Variants in KLHL13 observed in about 807,000 individuals in gnomAD.
KLHL13 encodes kelch like family member 13.
KLHL13 carries 10 observed loss-of-function variants against 37.1 expected under a neutral mutation model. The observed-to-expected ratio is 0.27, with a 90% CI of 0.17 to 0.46. The LOEUF (loss-of-function observed/expected upper bound fraction) is 0.46. KLHL13 is among the 20% of genes least tolerant of loss of function. The pLI, the probability that KLHL13 is intolerant of heterozygous loss-of-function variation, is 1.00. For missense variants in KLHL13, 360 were observed against 509.3 expected, an observed-to-expected ratio of 0.71 and a Z score of 2.82; for synonymous variants, 163 against 181.2, an observed-to-expected ratio of 0.90 and a Z score of 0.81.
At chrX:117,899,154 T>A in exon 7 of KLHL13, 1 of 1,211,742 alleles carries the variant, frequency 8.3e-7, no homozygotes, top group Non-Finnish European at 1.1e-6. Context: ...TCTGCCCTCT[T>A]AACATGGCAG....
chrX:117,991,188 T>G (rs1569435000), intron 1 of KLHL13, among the ~76,000 whole-genome samples: 1 of 108,264 alleles, frequency 9.2e-6, no homozygotes, highest in East Asian at 2.8e-4. Flanking sequence ...AACATTAGAC[T>G]TGAATTTTGG....
Position 118,054,656 on chromosome X carries a change from G to A in KLHL13, c.-56+61852C>T, listed in dbSNP as rs189933132. On this transcript the variant is annotated intron_variant, in intron 1 of 6. Transcript: ENST00000371882. ...TTAATCTTTTGCTAAAATGACATAG[G>A]CTAATATGAATTAAGAACCCTCTTT... Among the ~76,000 whole-genome samples, 9 of 111,232 alleles carry A rather than the reference G, an allele frequency of 8.1e-5. No individual in the cohort carries two copies. In the East Asian group the frequency reaches 2.5e-3, roughly 31 times the overall value.
chrX:118,012,896 G>C (rs1391955671), intron 1 of KLHL13, among the ~76,000 whole-genome samples: 1 of 111,741 alleles, frequency 8.9e-6, no homozygotes, highest in African/African-American at 3.3e-5. Context: ...TCTTCTGTAA[G>C]GAAGACTTGT....
At chrX:118,043,564 G>A (rs1485162909) in intron 1 of KLHL13, among the ~76,000 whole-genome samples, 1 of 111,762 alleles carries the variant, frequency 8.9e-6, no homozygotes, top group Non-Finnish European at 1.9e-5. Flanking sequence ...TTGCCCCAGG[G>A]ATGCAAGGAT....
intron 4 of KLHL13, among the ~76,000 whole-genome samples, chrX:117,912,244 T>C: frequency 8.9e-6 from 1 of 111,783 alleles, no homozygotes; most frequent in South Asian, 3.7e-4. Flanking sequence ...CAAAAGTTGA[T>C]GACAACACAA....
chrX:118,098,154 G>A (rs2055235719), intron 1 of KLHL13, among the ~76,000 whole-genome samples: 1 of 111,705 alleles, frequency 9.0e-6, no homozygotes, highest in South Asian at 3.7e-4. Flanking sequence ...CCTACAGAAT[G>A]GGAGAAAATT....
At chrX:118,102,211 T>C (rs753324674) in intron 1 of KLHL13, among the ~76,000 whole-genome samples, 3 of 111,963 alleles carry the variant, frequency 2.7e-5, no homozygotes, top group Non-Finnish European at 5.6e-5. Flanking sequence ...TATCTCCAGA[T>C]AAGTCAAAAA....
chrX:118,104,455 G>C lies in KLHL13; in HGVS notation c.-56+12053C>G, dbSNP rs531956479. Among the ~76,000 whole-genome samples the C allele has an allele frequency of 5.5e-4, 61 of 111,886 alleles. 1 individual carries two copies. Among genetic ancestry groups the C allele is most frequent in the African/African-American group, 1.9e-3 (60 of 30,795 alleles). On this transcript the variant is annotated intron_variant, in intron 1 of 6. Coordinates refer to the KLHL13 transcript ENST00000371882. ...AAGGAGGTAGCCACTCATACTAGTG[G>C]GTTTAGCAGTTTTGTTTTAAATACG... is the stretch of plus-strand genomic sequence containing the variant.
At chrX:117,950,487 AAG>A (rs1199899877) in intron 1 of KLHL13, among the ~76,000 whole-genome samples, 2 of 112,114 alleles carry the variant, frequency 1.8e-5, no homozygotes, top group African/African-American at 6.5e-5. Context: ...AAAGAAAAAA[AAG>A]AAAGTCTCTT....
chrX:117,927,787 G>A (rs1932163263), intron 2 of KLHL13, among the ~76,000 whole-genome samples: 1 of 111,752 alleles, frequency 8.9e-6, no homozygotes. Flanking sequence ...CAAAAATAAA[G>A]CGACAGAAAA....
chrX:117,960,877 C>T (rs980155403), intron 1 of KLHL13, among the ~76,000 whole-genome samples: 4 of 111,496 alleles, frequency 3.6e-5, no homozygotes, highest in Admixed American at 9.6e-5. Flanking sequence ...TGAATGATTC[C>T]GCTTGTTGCA....
chrX:117,966,444 T>C (rs2053432644), intron 1 of KLHL13, among the ~76,000 whole-genome samples: 1 of 111,233 alleles, frequency 9.0e-6, no homozygotes, highest in African/African-American at 3.3e-5. Flanking sequence ...TCCATGCGCA[T>C]GGGTAGGAAG....
At position 117,930,035 on chromosome X, in the gene KLHL13, T is replaced by C. The variant is rs376160149; in HGVS notation, c.241-9665A>G. On this transcript the variant is annotated intron_variant, in intron 2 of 6. Transcript: ENST00000262820. ...GAGAGAACTTCCTCAAACCTACAGA[T>C]AACATCATACTTAATGGTGAAAGAC... Among the ~76,000 whole-genome samples the C allele has an allele frequency of 2.0e-4, 22 of 108,466 alleles. 2 individuals are homozygous for C. The highest frequency in any genetic ancestry group is 1.7e-3 in the Admixed American group (17 of 9,942). 94.2% of individuals were successfully genotyped at this position (108,466 alleles called of 115,157 possible). A position where few individuals can be genotyped will look rare whatever the true frequency, so the allele number is the denominator to read the frequency against.
intron 1 of KLHL13, among the ~76,000 whole-genome samples, chrX:117,950,370 G>T (rs1602585511): frequency 9.0e-6 from 1 of 111,526 alleles, no homozygotes; most frequent in Non-Finnish European, 1.9e-5. Context: ...AGGAGGCTGA[G>T]GCAGGGGAAT....
At chrX:117,946,628 A>C (rs746225561) in intron 1 of KLHL13, 7 of 112,229 alleles carry the variant, frequency 6.2e-5, no homozygotes, top group Non-Finnish European at 1.3e-4. Flanking sequence ...GACTGCTAAA[A>C]AGACTGCTAA....
rs138676901 is a variant in KLHL13 at position 118,080,177 on chromosome X, G to T, written c.-56+36331C>A. On this transcript the variant is annotated intron_variant, in intron 1 of 6. Transcript: ENST00000371882. ...AACTCAAACTATAAAAAGTGTAGAA[G>T]AAAACCTATGAATACTCTTTTCAAC... is the stretch of plus-strand genomic sequence containing the variant. Among the ~76,000 whole-genome samples the T allele has an allele frequency of 3.1e-3, 349 of 111,644 alleles. 4 individuals carry two copies. The highest frequency in any genetic ancestry group is 0.011 in the African/African-American group (328 of 30,851).
At chrX:118,001,630 G>A (rs1351269318) in intron 1 of KLHL13, among the ~76,000 whole-genome samples, 1 of 111,148 alleles carries the variant, frequency 9.0e-6, no homozygotes, top group South Asian at 3.8e-4. Flanking sequence ...TTGGGAGGCT[G>A]AGGCAGGTGG....
intron 1 of KLHL13, among the ~76,000 whole-genome samples, chrX:118,067,483 T>G (rs1474883003): frequency 8.9e-6 from 1 of 111,751 alleles, no homozygotes; most frequent in Non-Finnish European, 1.9e-5. Context: ...AACCTTAGCT[T>G]ACTGTAACTT....
At chrX:117,958,435 T>C (rs1462467988) in intron 1 of KLHL13, among the ~76,000 whole-genome samples, 1 of 110,523 alleles carries the variant, frequency 9.0e-6, no homozygotes, top group Non-Finnish European at 1.9e-5. Context: ...GGGTAACTCA[T>C]TCCAAGGAGT....
Sources: allele counts gnomAD v4.1 joint callset (sites outside exome capture counted in the v4.1 genomes callset), GRCh38; gene constraint gnomAD v4.1.1; transcripts MANE v1.5; gene names NCBI Gene and HGNC (gene_info 2026-07-23, HGNC 2026-07-21).